DCAF5: variants seen among roughly 807,000 people sequenced by gnomAD.
DCAF5 encodes DDB1- and CUL4-associated factor 5.
A neutral mutation model predicts 80.7 loss-of-function variants in DCAF5; 9 were observed. The ratio of observed to expected loss-of-function variants is 0.11; its 90% CI spans 0.07 to 0.19. The LOEUF (loss-of-function observed/expected upper bound fraction) is 0.19. Among genes scored for constraint, DCAF5 ranks in the 10% least tolerant of loss-of-function variants. The pLI, the probability that DCAF5 is intolerant of heterozygous loss-of-function variation, is 1.00. For synonymous variants in DCAF5, 433 were observed against 461.9 expected (o/e 0.94, Z 0.80); for missense variants, 842 against 1,205.7 (o/e 0.70, Z 4.47).
At chr14:69,113,347 C>G (rs1299195464) in intron 5 of DCAF5, among the ~76,000 whole-genome samples, 1 of 152,096 alleles carries the variant, frequency 6.6e-6, no homozygotes, top group Non-Finnish European at 1.5e-5. Context: ...GGTTTAAAAC[C>G]TAGGGTAATC....
chr14:69,142,140 A>AT (rs60792430), intron 1 of DCAF5, among the ~76,000 whole-genome samples: 2 of 151,998 alleles, frequency 1.3e-5, no homozygotes, highest in African/African-American at 4.8e-5. Flanking sequence ...ACAAAAAAAA[A>AT]TTTTTTTTAA....
chr14:69,098,072 A>G (rs2039796805), intron 5 of DCAF5, among the ~76,000 whole-genome samples: 1 of 152,136 alleles, frequency 6.6e-6, no homozygotes, highest in Non-Finnish European at 1.5e-5. Flanking sequence ...CAAATTCCTT[A>G]TAATGCCAGC....
At chr14:69,079,679 T>A (rs1010427049) in intron 6 of DCAF5, among the ~76,000 whole-genome samples, 1 of 152,192 alleles carries the variant, frequency 6.6e-6, no homozygotes, top group East Asian at 1.9e-4. Flanking sequence ...TTATTGAATG[T>A]CTAATATGTG....
At chr14:69,150,666 A>G (rs1344175896) in intron 1 of DCAF5, among the ~76,000 whole-genome samples, 1 of 151,702 alleles carries the variant, frequency 6.6e-6, no homozygotes, top group African/African-American at 2.4e-5. Flanking sequence ...CAGGAGGATT[A>G]CTTAAGGCCA....
intron 2 of DCAF5, 74 bp downstream of exon 2, chr14:69,122,140 TAAG>T: frequency 6.5e-7 from 1 of 1,529,046 alleles, no homozygotes; most frequent in Middle Eastern, 1.7e-4. Context: ...GGAAGAAAAA[TAAG>T]GAGTTATTTT....
intron 1 of DCAF5, among the ~76,000 whole-genome samples, chr14:69,147,121 C>T (rs1428090570): frequency 6.6e-6 from 1 of 152,110 alleles, no homozygotes; most frequent in Non-Finnish European, 1.5e-5. Flanking sequence ...CAGGAAATGA[C>T]CATTAATTAA....
chr14:69,128,722 C>T (rs1015302596), intron 1 of DCAF5, among the ~76,000 whole-genome samples: 2 of 152,064 alleles, frequency 1.3e-5, no homozygotes, highest in African/African-American at 2.4e-5. Context: ...GAGCAGAGAT[C>T]GTGCCACAGC....
Position 69,053,912 on chromosome 14 carries a change from T to C in DCAF5, c.2774A>G (p.Glu925Gly), listed in dbSNP as rs762481039. 2 of 1,612,316 alleles carry C rather than the reference T, an allele frequency of 1.2e-6. No homozygotes were observed. The highest frequency in any genetic ancestry group is 1.7e-6 in the Non-Finnish European group (2 of 1,179,676). The change falls in exon 9 of 9, where the codon GAA (glutamate) becomes GGA (glycine). Residue 925 changes from glutamate (E) to glycine (G), a missense_variant. Around this residue, in one of 5 missense-constraint regions of DCAF5, gnomAD observed 607 missense variants for 656.6 expected, o/e 0.92. Transcript: ENST00000341516. ...ATTCTCTGAATCTGTATCTTCCAAT[T>C]CAATTCGTTGCCTTTTGAGGCCACT... ...GHSGLKRQRI[E>G]LEDTDSENSS...
intron 7 of DCAF5, among the ~76,000 whole-genome samples, chr14:69,065,177 A>C (rs1276647636): frequency 6.4e-5 from 9 of 141,532 alleles, no homozygotes; most frequent in Non-Finnish European, 1.3e-4. Flanking sequence ...GGCTCACTGC[A>C]ACCTCCACCT....
chr14:69,092,423 C>T (rs1352888904), intron 5 of DCAF5, among the ~76,000 whole-genome samples: 1 of 152,098 alleles, frequency 6.6e-6, no homozygotes, highest in Admixed American at 6.6e-5. Flanking sequence ...TTGAGACCAG[C>T]CCTGGCAACA....
At chr14:69,069,063 C>T (rs1443434791) in intron 7 of DCAF5, among the ~76,000 whole-genome samples, 1 of 152,178 alleles carries the variant, frequency 6.6e-6, no homozygotes, top group Non-Finnish European at 1.5e-5. Context: ...CAACTACTTG[C>T]AACCAATTAA....
intron 7 of DCAF5, among the ~76,000 whole-genome samples, chr14:69,074,150 A>G (rs2038811017): frequency 1.3e-5 from 2 of 152,260 alleles, no homozygotes. Context: ...ATTCAGCAAC[A>G]GCCAAGAACT....
chr14:69,097,128 G>C (rs1297786805), intron 5 of DCAF5, among the ~76,000 whole-genome samples: 1 of 151,950 alleles, frequency 6.6e-6, no homozygotes, highest in Non-Finnish European at 1.5e-5. Context: ...GAAAAGTCTG[G>C]AAAAAAATCC....
chr14:69,060,538 T>C (rs925060313), intron 8 of DCAF5, among the ~76,000 whole-genome samples: 11 of 110,942 alleles, frequency 9.9e-5, no homozygotes, highest in Non-Finnish European at 1.9e-4. Flanking sequence ...ATTATATTTC[T>C]TTTTTTTTTT....
chr14:69,055,136 C>T lies in DCAF5; in HGVS notation c.1550G>A (p.Arg517Gln), dbSNP rs750163325. The stretch of plus-strand genomic sequence containing the variant: ...CAGGAGGCGTTTGTCTTGGTAGCGC[C>T]GCAGAGCAGACAGACGCTGCTGGCG... The part of the protein sequence containing the change: ...ASRQQRLSAL[R>Q]RYQDKRLLAL... The change falls in exon 9 of 9, where the codon CGG becomes CAG. Residue 517 changes from arginine (R) to glutamine (Q), a missense_variant. By Grantham distance (43) the Arg-to-Gln change is conservative. Coordinates refer to ENST00000341516, the MANE Select transcript of DCAF5 (RefSeq NM_003861.3). The surrounding 1 kb of genome is among the most constrained non-coding windows in gnomAD (Gnocchi z 5.6). 14 of 1,614,100 alleles carry T rather than the reference C, an allele frequency of 8.7e-6. No individual in the cohort carries two copies. In the Middle Eastern group the frequency reaches 6.6e-4, roughly 76 times the overall value.
chr14:69,123,843 C>A (rs1032905627), intron 1 of DCAF5, among the ~76,000 whole-genome samples: 6 of 152,084 alleles, frequency 3.9e-5, no homozygotes, highest in Non-Finnish European at 8.8e-5. Context: ...GGATTACAGG[C>A]TCCCACCACC....
rs2037883396 is a variant in DCAF5, at chr14:69,054,652, T to C, written c.2034A>G (p.Lys678=). 1 of 1,614,068 alleles carries C rather than the reference T, an allele frequency of 6.2e-7. No individual in the cohort carries two copies. The highest frequency in any genetic ancestry group is 1.3e-5 in the African/African-American group (1 of 74,930). ...CGGTCACCAAGGAGGTCTCTCCATC[T>C]TTGTTATTTGAGTAGGAGATATAAG... The part of the protein sequence containing the change: ...RYSYISYSNN[K]DGETSLVTGE... The change falls in exon 9 of 9, where the codon AAA becomes AAG. Residue 678 remains lysine, a synonymous_variant. Transcript: ENST00000341516.
Position 69,122,335 on chromosome 14 carries a change from T to G in DCAF5, c.240A>C (p.Leu80=), listed in dbSNP as rs761906625. Residue 80 remains leucine (L), a synonymous_variant, in exon 2 of 9, where the codon CTA becomes CTC. Coordinates refer to ENST00000341516, the MANE Select transcript of DCAF5 (RefSeq NM_003861.3). The part of the protein sequence containing the change: ...VSGGDDRRVL[L]WHMEQAIHSR... ...AGTGGATGGCTTGTTCCATGTGCCA[T>G]AGCAGAACCCGGCGGTCATCTCCTC... is the stretch of plus-strand genomic sequence containing the variant. The G allele has an allele frequency of 5.0e-6, 8 of 1,612,610 alleles. No individual in the cohort carries two copies. Among genetic ancestry groups the G allele is most frequent in the Non-Finnish European group, 6.8e-6 (8 of 1,178,902 alleles).
intron 1 of DCAF5, among the ~76,000 whole-genome samples, chr14:69,144,687 T>C (rs2041484064): frequency 6.6e-6 from 1 of 152,198 alleles, no homozygotes; most frequent in African/African-American, 2.4e-5. Context: ...AACACAGAGA[T>C]ATAATTTATC....
Sources: allele counts gnomAD v4.1 joint callset (sites outside exome capture counted in the v4.1 genomes callset), GRCh38; gene constraint gnomAD v4.1.1; regional missense constraint gnomAD v4.1.1; non-coding constraint Gnocchi (gnomAD v3.1); transcripts MANE v1.5; gene names NCBI Gene and HGNC (gene_info 2026-07-23, HGNC 2026-07-21).